Variants in FILIP1L observed in about 807,000 individuals in gnomAD.
FILIP1L encodes the protein filamin A interacting protein 1 like.
A neutral mutation model predicts 96.6 loss-of-function variants in FILIP1L; 55 were observed. The observed-to-expected ratio is 0.57, with a 90% CI of 0.46 to 0.71. The LOEUF is 0.71. FILIP1L is among the 30% of genes least tolerant of loss of function. FILIP1L has a pLI of 0.00. For synonymous variants in FILIP1L, 467 were observed against 473.9 expected (o/e 0.99, Z 0.19); for missense variants, 1,304 against 1,321.2 (o/e 0.99, Z 0.20).
chr3:100,039,394 A>C (rs1177124847), intron 1 of FILIP1L, among the ~76,000 whole-genome samples: 2 of 152,214 alleles, frequency 1.3e-5, no homozygotes, highest in Non-Finnish European at 2.9e-5. Context: ...TATATTTCAC[A>C]GTATGTAGTA....
chr3:100,019,212 A>C (rs568817727), intron 1 of FILIP1L, among the ~76,000 whole-genome samples: 1 of 152,292 alleles, frequency 6.6e-6, no homozygotes, highest in South Asian at 2.1e-4. Flanking sequence ...CAAAGCAAAA[A>C]GTAGCCTGGT....
At position 99,850,371 on chromosome 3, in the gene FILIP1L, G is replaced by A; in HGVS notation, c.1305C>T (p.Asn435=). The A allele has an allele frequency of 6.2e-7, 1 of 1,612,628 alleles. No homozygotes were observed. The change falls in exon 5 of 6, where the codon AAC becomes AAT. Residue 435 remains asparagine, a synonymous_variant. Transcript: ENST00000477258. ...GAGAGTAGCATTCTTGTTTGCTTTT[G>A]TTGAAAGCGTCTTCTAACTTTTCCA... is the stretch of plus-strand genomic sequence containing the variant. The part of the protein sequence containing the change: ...MALEKLEDAF[N]KSKQECYSLK...
At chr3:99,968,480 A>G (rs1708721627) in intron 1 of FILIP1L, among the ~76,000 whole-genome samples, 1 of 152,050 alleles carries the variant, frequency 6.6e-6, no homozygotes, top group Non-Finnish European at 1.5e-5. Flanking sequence ...CCTTGCAGGC[A>G]GGCTATCCAG....
At chr3:100,012,210 A>G (rs1710176793) in intron 1 of FILIP1L, among the ~76,000 whole-genome samples, 1 of 152,192 alleles carries the variant, frequency 6.6e-6, no homozygotes, top group Admixed American at 6.5e-5. Context: ...AGGATAAAAT[A>G]TCTAAAATTA....
rs527754956 is a variant in FILIP1L at position 100,096,633 on chromosome 3, G to GGAGGAGATGGGGTTAGTT, written c.-11+17402_-11+17419dup. 4.6e-3 allele frequency among the ~76,000 whole-genome samples: 696 copies of GGAGGAGATGGGGTTAGTT among 152,012 alleles called. 2 individuals are homozygous for GGAGGAGATGGGGTTAGTT. Among genetic ancestry groups the GGAGGAGATGGGGTTAGTT allele is most frequent in the South Asian group, 6.9e-3 (33 of 4,812 alleles). ...GTCTGGGAAGAGTAGTAGGGGGTGG[G>GGAGGAGATGGGGTTAGTT]GAGGAGATGGGGTTAGTTAAGGAGT... On this transcript the variant is annotated intron_variant, in intron 1 of 5. Coordinates refer to ENST00000477258, the MANE Select transcript of FILIP1L (RefSeq NM_001387850.1).
intron 1 of FILIP1L, among the ~76,000 whole-genome samples, chr3:100,003,489 C>G (rs897517693): frequency 6.6e-6 from 1 of 152,166 alleles, no homozygotes; most frequent in African/African-American, 2.4e-5. Flanking sequence ...TGCATTTTTT[C>G]TTTTGAATCT....
At chr3:99,925,116 T>C (rs1382056402) in intron 3 of FILIP1L, among the ~76,000 whole-genome samples, 1 of 152,226 alleles carries the variant, frequency 6.6e-6, no homozygotes, top group Non-Finnish European at 1.5e-5. Context: ...TATAGTTCTC[T>C]GTACCAGTAT....
intron 1 of FILIP1L, among the ~76,000 whole-genome samples, chr3:99,935,830 G>T (rs1158784474): frequency 1.3e-5 from 2 of 152,134 alleles, no homozygotes; most frequent in Non-Finnish European, 2.9e-5. Context: ...TAAGTTAGTT[G>T]AAATCATGGT....
intron 1 of FILIP1L, among the ~76,000 whole-genome samples, chr3:100,032,185 A>G (rs1275085995): frequency 6.6e-6 from 1 of 152,188 alleles, no homozygotes; most frequent in Non-Finnish European, 1.5e-5. Flanking sequence ...TTGAAAGACA[A>G]TTATTTAAAT....
At chr3:99,920,169 A>G (rs1707080527) in intron 4 of FILIP1L, among the ~76,000 whole-genome samples, 1 of 152,236 alleles carries the variant, frequency 6.6e-6, no homozygotes, top group Non-Finnish European at 1.5e-5. Flanking sequence ...TTGTTGTTTC[A>G]AGACCAGAAA....
intron 1 of FILIP1L, among the ~76,000 whole-genome samples, chr3:100,102,361 C>T (rs953600007): frequency 2.6e-5 from 4 of 151,996 alleles, no homozygotes; most frequent in Admixed American, 1.3e-4. Flanking sequence ...TTGCATTTCT[C>T]GGGTGTTAAG....
At chr3:99,924,516 G>T in intron 3 of FILIP1L, 108 bp from the exon 4 acceptor site, 3 of 1,186,302 alleles carry the variant, frequency 2.5e-6, no homozygotes, top group African/African-American at 1.6e-5. Context: ...GGGTTTTTTT[G>T]GTTTTTTGTT....
intron 3 of FILIP1L, among the ~76,000 whole-genome samples, chr3:99,929,282 G>A (rs1425625036): frequency 6.6e-6 from 1 of 152,184 alleles, no homozygotes; most frequent in Non-Finnish European, 1.5e-5. Flanking sequence ...TGCTAGGTAC[G>A]CTTGGTGAGG....
chr3:99,995,106 G>C (rs918097664), intron 1 of FILIP1L, among the ~76,000 whole-genome samples: 1 of 152,138 alleles, frequency 6.6e-6, no homozygotes, highest in African/African-American at 2.4e-5. Context: ...AGTCTCATCT[G>C]AGACAAGGCA....
rs767246351 is a variant in FILIP1L, at chr3:100,080,970, A to G, written c.-11+33083T>C. Among the ~76,000 whole-genome samples the G allele has an allele frequency of 3.3e-5, 5 of 152,362 alleles. No individual in the cohort carries two copies. The South Asian group carries it at 1.0e-3, about 32-fold the overall frequency. On this transcript the variant is annotated intron_variant, in intron 1 of 5. Transcript: ENST00000477258. ...GGTTTTAGGTCTGTGTTTGCAGAAG[A>G]TAAAAAGGAGTCATGTATTTATGTC...
chr3:100,030,403 A>C (rs2065003918), intron 1 of FILIP1L, among the ~76,000 whole-genome samples: 1 of 152,064 alleles, frequency 6.6e-6, no homozygotes, highest in African/African-American at 2.4e-5. Flanking sequence ...AGCTTTTCCA[A>C]CTCTAATTGT....
intron 5 of FILIP1L, among the ~76,000 whole-genome samples, chr3:99,847,527 CAT>C (rs1321671993): frequency 1.3e-5 from 2 of 152,100 alleles, no homozygotes; most frequent in Non-Finnish European, 2.9e-5. Context: ...CTTCCTATCA[CAT>C]GTCAGAGCTT....
At chr3:99,895,808 A>G (rs1706231883) in intron 4 of FILIP1L, among the ~76,000 whole-genome samples, 1 of 152,192 alleles carries the variant, frequency 6.6e-6, no homozygotes, top group South Asian at 2.1e-4. Context: ...CTTCACCCAT[A>G]GAATAGGTGC....
Position 99,850,694 on chromosome 3 carries a change from C to T in FILIP1L, c.982G>A (p.Ala328Thr). 6.2e-7 allele frequency: 1 copy of T among 1,614,148 alleles called. No homozygotes were observed. The highest frequency in any genetic ancestry group is 8.5e-7 in the Non-Finnish European group (1 of 1,180,024). ...TCATCAATCTGCCGGCTGAGTGCTG[C>T]CAGCTTTTGTTGAAGCTGGCGATTT... ...SQNRQLQQKLAALSRQIDELE... is the reference protein window; with the variant it reads ...SQNRQLQQKLTALSRQIDELE... The change falls in exon 5 of 6, where the codon GCA becomes ACA. Residue 328 changes from alanine to threonine, a missense_variant. Coordinates refer to ENST00000477258, the MANE Select transcript of FILIP1L (RefSeq NM_001387850.1).
Sources: gnomAD v4.1 joint callset for allele counts (sites outside exome capture counted in the v4.1 genomes callset) on GRCh38, gnomAD v4.1.1 for gene constraint, MANE v1.5 for transcripts, NCBI Gene and HGNC (gene_info 2026-07-23, HGNC 2026-07-21) for gene names.